Variants in NR1I3 observed in about 807,000 individuals in gnomAD.
NR1I3 encodes nuclear receptor subfamily 1 group I member 3, also known as constitutive activator of retinoid response.
A neutral mutation model predicts 38.4 loss-of-function variants in NR1I3; 30 were observed. That is an observed-to-expected ratio of 0.78 (90% confidence interval 0.58 to 1.06). The LOEUF (loss-of-function observed/expected upper bound fraction) is 1.06, where lower values mean the gene tolerates loss of function less well. NR1I3 is among the 50% of genes least tolerant of loss of function. NR1I3 has a pLI of 0.00. For missense variants in NR1I3, 388 were observed against 435.7 expected (o/e 0.89, Z 0.97); for synonymous variants, 143 against 165.1 (o/e 0.87, Z 1.03).
At position 161,238,154 on chromosome 1, in the gene NR1I3, A is replaced by T; in HGVS notation, c.-147T>A. The T allele has an allele frequency of 6.3e-7, 1 of 1,596,732 alleles. No homozygotes were observed. The highest frequency in any genetic ancestry group is 8.6e-7 in the Non-Finnish European group (1 of 1,166,024). On this transcript the variant is annotated 5_prime_UTR_variant, in exon 1 of 9. Coordinates refer to ENST00000367983, the MANE Select transcript of NR1I3 (RefSeq NM_005122.5). ...CCTCTGATCTCAGGAGTTGCCAGTGATTGGAGTTAGGGATTATGACCCGTA... is the reference window on the plus strand; with the variant it reads ...CCTCTGATCTCAGGAGTTGCCAGTGTTTGGAGTTAGGGATTATGACCCGTA...
rs201243903 is a variant in NR1I3, at chr1:161,229,713, G to T, written c.*84C>A. On this transcript the variant is annotated 3_prime_UTR_variant, in exon 9 of 9. Transcript: ENST00000367983. ...CAACCACTGGGCTCCCTTTGAACCC[G>T]GCCCAATCTTTGGTCCCAGCATTTT... The T allele has an allele frequency of 3.7e-6, 6 of 1,614,162 alleles. No homozygotes were observed. Among genetic ancestry groups the T allele is most frequent in the Non-Finnish European group, 5.1e-6 (6 of 1,180,022 alleles).
At chr1:161,236,326 G>A (rs1668595479) in intron 2 of NR1I3, 133 bp downstream of exon 2, 1 of 1,093,318 alleles carries the variant, frequency 9.1e-7, no homozygotes, top group South Asian at 1.6e-5. Flanking sequence ...TAGGATGCCA[G>A]CCACAGGGTA....
chr1:161,233,887 G>GTATA (rs375219840), intron 3 of NR1I3, among the ~76,000 whole-genome samples: 1 of 100,598 alleles, frequency 9.9e-6, no homozygotes, highest in Non-Finnish European at 2.1e-5. Flanking sequence ...GTGTGTGTGT[G>GTATA]TATATGTGTG....
chr1:161,236,384 C>T, intron 2 of NR1I3, 75 bp downstream of exon 2: 18 of 1,564,914 alleles, frequency 1.2e-5, no homozygotes, highest in Non-Finnish European at 1.6e-5. Flanking sequence ...GGCTTGGGCA[C>T]CAGCGAGGGT....
At chr1:161,232,437 A>G (rs1490538003) in intron 5 of NR1I3, among the ~76,000 whole-genome samples, 1 of 152,162 alleles carries the variant, frequency 6.6e-6, no homozygotes, top group East Asian at 1.9e-4. Flanking sequence ...ACCTGGGACT[A>G]CAGGCACCCA....
intron 3 of NR1I3, among the ~76,000 whole-genome samples, chr1:161,233,980 TA>T (rs1011426548): frequency 1.4e-4 from 21 of 151,456 alleles, no homozygotes; most frequent in African/African-American, 4.1e-4. Flanking sequence ...TGTATATATA[TA>T]TTTTTTTGTT....
At position 161,233,180 on chromosome 1, in the gene NR1I3, C is replaced by T. The variant is rs149303773; in HGVS notation, c.397G>A (p.Val133Met). ...RHMGTMFEQF[V>M]QFRPPAHLFI... ...CTGTCGGTGCTCACCCTAAACTGCA[C>T]AAACTGTTCAAACATGGTGCCCATG... Residue 133 changes from valine (V) to methionine (M), a missense_variant, in exon 4 of 9, where the codon GTG becomes ATG. Val to Met is a conservative substitution (Grantham distance 21). Coordinates refer to ENST00000367983, the MANE Select transcript of NR1I3 (RefSeq NM_005122.5). 10 of 1,614,088 alleles carry T rather than the reference C, an allele frequency of 6.2e-6. No individual in the cohort carries two copies. Among genetic ancestry groups the T allele is most frequent in the Non-Finnish European group, 7.6e-6 (9 of 1,180,022 alleles).
chr1:161,235,278 T>TTTGAGTCGGAATC (rs1668372279), intron 3 of NR1I3: 1 of 120,410 alleles, frequency 8.3e-6, no homozygotes, highest in African/African-American at 2.9e-5. Context: ...TTTTTTTTTT[T>TTTGAGTCGGAATC]TTTTGAGTCG....
Position 161,236,539 on chromosome 1 carries a change from C to G in NR1I3, c.27G>C (p.Arg9Ser). The G allele has an allele frequency of 6.2e-7, 1 of 1,614,066 alleles. No individual in the cohort carries two copies. The highest frequency in any genetic ancestry group is 1.1e-5 in the South Asian group (1 of 91,072). The change falls in exon 2 of 9, where the codon AGG becomes AGC. Residue 9 changes from arginine (R) to serine (S), a missense_variant. Coordinates refer to ENST00000367983, the MANE Select transcript of NR1I3 (RefSeq NM_005122.5). The part of the protein sequence containing the change: MASREDEL[R>S]NCVVCGDQAT... ...CTTGGTCCCCACATACCACACAGTT[C>G]CTCAGCTCATCTTCCCTACTGGCCA... is the stretch of plus-strand genomic sequence containing the variant.
Position 161,230,734 on chromosome 1 carries a change from A to AT in NR1I3, c.917+78_917+79insA, listed in dbSNP as rs558974417. ...TCCCTAAGGAAAGGACAGTAAAAAA[A>AT]CATTCCTCCCAAGCTCAATGTTTCA... On this transcript the variant is annotated intron_variant, in intron 8 of 8. Transcript: ENST00000367983. The AT allele has an allele frequency of 5.2e-4, 826 of 1,595,150 alleles. 1 individual carries two copies. Among genetic ancestry groups the AT allele is most frequent in the South Asian group, 1.5e-3 (139 of 90,434 alleles).
At chr1:161,230,506 C>A in intron 8 of NR1I3, 1 of 527,190 alleles carries the variant, frequency 1.9e-6, no homozygotes, top group Non-Finnish European at 3.3e-6. Context: ...AGAAGTTGGA[C>A]TAGTGAGGTA....
At chr1:161,230,096 CA>C (rs1666791271) in intron 8 of NR1I3, 170 bp from the exon 9 acceptor site, 2 of 742,894 alleles carry the variant, frequency 2.7e-6, no homozygotes, top group South Asian at 3.8e-5. Flanking sequence ...AAAGGTCCTC[CA>C]GGGGGCCTCG....
At chr1:161,237,552 T>C (rs938787474) in intron 1 of NR1I3, among the ~76,000 whole-genome samples, 3 of 151,568 alleles carry the variant, frequency 2.0e-5, no homozygotes, top group African/African-American at 7.3e-5. Flanking sequence ...ACCCCGTCTC[T>C]ACTAAAAATA....
At position 161,231,098 on chromosome 1, in the gene NR1I3, G is replaced by C; in HGVS notation, c.811+19C>G. On this transcript the variant is annotated intron_variant, in intron 7 of 8. Transcript: ENST00000367983. The stretch of plus-strand genomic sequence containing the variant: ...AGAGGTGGTGCAGCAAAAGGCTCTG[G>C]GCTTTGGGAGGTGCTCACCAGGAGA... 6.2e-7 allele frequency: 1 copy of C among 1,614,114 alleles called. No homozygotes were observed. The highest frequency in any genetic ancestry group is 1.1e-5 in the South Asian group (1 of 91,072).
intron 7 of NR1I3, 91 bp downstream of exon 7, chr1:161,231,026 G>A (rs1159122706): frequency 6.2e-7 from 1 of 1,613,122 alleles, no homozygotes; most frequent in Admixed American, 1.7e-5. Flanking sequence ...TTGATAGCTA[G>A]GCTAGAAGGC....
At chr1:161,232,726 T>G (rs1667632749) in intron 5 of NR1I3, 81 bp downstream of exon 5, 1 of 1,391,598 alleles carries the variant, frequency 7.2e-7, no homozygotes, top group Non-Finnish European at 1.0e-6. Context: ...CATGTGATAA[T>G]TTGTAGTCAG....
chr1:161,232,062 A>G (rs1667457767), intron 5 of NR1I3, among the ~76,000 whole-genome samples: 1 of 151,446 alleles, frequency 6.6e-6, no homozygotes, highest in Non-Finnish European at 1.5e-5. Context: ...TCTCGGCTAC[A>G]GCAAACCTCC....
chr1:161,235,557 C>A, intron 3 of NR1I3: 1 of 306,432 alleles, frequency 3.3e-6, no homozygotes, highest in Non-Finnish European at 6.3e-6. Context: ...CGTGAGCCAC[C>A]GCGCCCGGCC....
At position 161,233,241 on chromosome 1, in the gene NR1I3, C is replaced by T. The variant is rs1667749398; in HGVS notation, c.336G>A (p.Glu112=). ...GGGCCCCCAGGAGTGTCCGGATCAG[C>T]TCTTCTTGCTCCTTACTCAGTTGCA... ...TPVQLSKEQE[E]LIRTLLGAHT... The change falls in exon 4 of 9, where the codon GAG becomes GAA. Residue 112 remains glutamate, a synonymous_variant. Coordinates refer to ENST00000367983, the MANE Select transcript of NR1I3 (RefSeq NM_005122.5). 1 of 1,614,224 alleles carries T rather than the reference C, an allele frequency of 6.2e-7. No individual in the cohort carries two copies. The highest frequency in any genetic ancestry group is 8.5e-7 in the Non-Finnish European group (1 of 1,180,038).
Sources: gnomAD v4.1 joint callset for allele counts (sites outside exome capture counted in the v4.1 genomes callset) on GRCh38, gnomAD v4.1.1 for gene constraint, MANE v1.5 for transcripts, NCBI Gene and HGNC (gene_info 2026-07-23, HGNC 2026-07-21) for gene names.